Variants in GPR37 observed in about 807,000 individuals in gnomAD.
The protein encoded by GPR37 is prosaposin receptor GPR37.
A neutral mutation model predicts 43.6 loss-of-function variants in GPR37; 20 were observed. The observed-to-expected ratio is 0.46, with a 90% confidence interval of 0.32 to 0.67. GPR37 has a LOEUF of 0.67. GPR37 is among the 30% of genes least tolerant of loss of function. The pLI, the probability that GPR37 is intolerant of heterozygous loss-of-function variation, is 0.03. For missense variants in GPR37, 724 were observed against 797.2 expected (o/e 0.91, Z 1.11); for synonymous variants, 315 against 322.6 (o/e 0.98, Z 0.25).
In GPR37 at chr7:124,747,281, A is replaced by G. The variant is rs1562957937; in HGVS notation, c.1086T>C (p.Ala362=). The G allele has an allele frequency of 1.9e-6, 3 of 1,613,880 alleles. No homozygotes were observed. The East Asian group carries it at 6.7e-5, about 36-fold the overall frequency. Residue 362 remains alanine (A), a synonymous_variant, in exon 2 of 2, where the codon GCT becomes GCC. Transcript: ENST00000303921. ...CGTAGTACATCTGTACGTTGGTGGC[A>G]GCACGGAAGCGGTCTATGCACAGAG... ...LCALCIDRFR[A]ATNVQMYYEM...
chr7:124,757,532 G>A (rs914966973), intron 1 of GPR37, among the ~76,000 whole-genome samples: 2 of 152,184 alleles, frequency 1.3e-5, no homozygotes, highest in African/African-American at 2.4e-5. Flanking sequence ...GATCTAGGCT[G>A]TATAGGCATT....
At chr7:124,756,710 G>A (rs1429208992) in intron 1 of GPR37, among the ~76,000 whole-genome samples, 1 of 152,216 alleles carries the variant, frequency 6.6e-6, no homozygotes, top group Non-Finnish European at 1.5e-5. Context: ...GGAGGATGGA[G>A]CAGAAGTGCA....
chr7:124,761,507 T>A (rs1793850428), intron 1 of GPR37, among the ~76,000 whole-genome samples: 1 of 152,192 alleles, frequency 6.6e-6, no homozygotes, highest in African/African-American at 2.4e-5. Flanking sequence ...CTGTGGCAAT[T>A]GCATCACAGT....
intron 1 of GPR37, among the ~76,000 whole-genome samples, chr7:124,749,373 G>C (rs1056068764): frequency 3.3e-5 from 5 of 152,068 alleles, no homozygotes; most frequent in Non-Finnish European, 7.4e-5. Flanking sequence ...TGGTAGGAAG[G>C]TTTAAGAAGC....
chr7:124,750,389 C>G (rs914953289), intron 1 of GPR37, among the ~76,000 whole-genome samples: 3 of 152,052 alleles, frequency 2.0e-5, no homozygotes, highest in African/African-American at 7.2e-5. Context: ...AAAGTTTATG[C>G]TATACATCCT....
In GPR37 at chr7:124,764,153, C is replaced by A; in HGVS notation, c.824G>T (p.Gly275Val). The change falls in exon 1 of 2, where the codon GGC (glycine) becomes GTC (valine). Residue 275 changes from glycine (G) to valine (V), a missense_variant. Physicochemically the swap from Gly to Val is moderately radical, Grantham distance 109. Around this residue, in one of 2 missense-constraint regions of GPR37, gnomAD observed 342 missense variants for 441.8 expected, o/e 0.77. Transcript: ENST00000303921. The surrounding 1 kb of genome is among the most constrained non-coding windows in gnomAD (Gnocchi z 5.4). Reference sequence around the variant, plus strand: ...CATCACCGCCAGGTTGCCAATGATGCCGGTCCCGAAGATCACCACGGACAG... The same window carrying A: ...CATCACCGCCAGGTTGCCAATGATGACGGTCCCGAAGATCACCACGGACAG... ...MCLSVVIFGT[G>V]IIGNLAVMCI... 1 of 1,604,386 alleles carries A rather than the reference C, an allele frequency of 6.2e-7. No individual in the cohort carries two copies. Among genetic ancestry groups the A allele is most frequent in the Non-Finnish European group, 8.5e-7 (1 of 1,174,698 alleles).
Position 124,765,163 on chromosome 7 carries a change from C to T in GPR37, c.-187G>A. 5.9e-6 allele frequency: 3 copies of T among 505,164 alleles called. No individual in the cohort carries two copies. The allele number at this position is 505,164 out of a possible 1,614,324, so 31.3% of individuals were successfully genotyped here. A position where few individuals can be genotyped will look rare whatever the true frequency, so the allele number is the denominator to read the frequency against. ...GGTCACACACACGCCCCCTATAATC[C>T]TTCCTCCTTTGGCATCTTGTGCATT... On this transcript the variant is annotated 5_prime_UTR_variant, in exon 1 of 2. Coordinates refer to ENST00000303921, the MANE Select transcript of GPR37 (RefSeq NM_005302.5).
Position 124,764,800 on chromosome 7 carries a change from C to T in GPR37, c.177G>A (p.Pro59=), listed in dbSNP as rs1173368212. The T allele has an allele frequency of 1.2e-6, 2 of 1,613,580 alleles. No individual in the cohort carries two copies. Among genetic ancestry groups the T allele is most frequent in the Admixed American group, 1.7e-5 (1 of 60,030 alleles). The change falls in exon 1 of 2, where the codon CCG becomes CCA. Residue 59 remains proline, a synonymous_variant. Coordinates refer to ENST00000303921, the MANE Select transcript of GPR37 (RefSeq NM_005302.5). The surrounding 1 kb of genome is among the most constrained non-coding windows in gnomAD (Gnocchi z 5.4). ...GCAGAACGTCTCTTGCAGAATTTCC[C>T]GGTCCCCAGGCGTCCCTGCCGCGGC... ...IQRRGRDAWG[P]GNSARDVLRA...
chr7:124,749,488 C>T (rs149590498), intron 1 of GPR37, among the ~76,000 whole-genome samples: 1 of 151,978 alleles, frequency 6.6e-6, no homozygotes, highest in Non-Finnish European at 1.5e-5. Flanking sequence ...AAAGGGAAAC[C>T]ATTTGTCATA....
In GPR37 at chr7:124,764,978, G is replaced by T. The variant is rs1793902803; in HGVS notation, c.-2C>A. On this transcript the variant is annotated 5_prime_UTR_variant, in exon 1 of 2. Transcript: ENST00000303921. The surrounding 1 kb of genome is among the most constrained non-coding windows in gnomAD (Gnocchi z 5.4). The stretch of plus-strand genomic sequence containing the variant: ...GAGAAGCGCGCCCGGGGCTCGCATG[G>T]CTTGGTGAGGGCACACCCGGCAGCC... 4.1e-6 allele frequency: 6 copies of T among 1,471,724 alleles called. No homozygotes were observed. Among genetic ancestry groups the T allele is most frequent in the Non-Finnish European group, 5.4e-6 (6 of 1,115,976 alleles). 91.2% of individuals were successfully genotyped at this position (1,471,724 alleles called of 1,614,324 possible).
At chr7:124,759,308 C>T (rs1793826767) in intron 1 of GPR37, among the ~76,000 whole-genome samples, 1 of 152,164 alleles carries the variant, frequency 6.6e-6, no homozygotes, top group Admixed American at 6.5e-5. Flanking sequence ...CTTAAGCAAT[C>T]TGCCTGCATA....
chr7:124,746,642 A>C lies in GPR37; in HGVS notation c.1725T>G (p.Ser575=), dbSNP rs1281143105. ...CCCCEECIQK[S]STVTSDDNDN... is the part of the protein sequence containing the mutation. Reference sequence around the variant, plus strand: ...CATTGTCATCACTGGTCACCGTTGAAGACTTCTGAATGCATTCCTCACAGC... The same window carrying C: ...CATTGTCATCACTGGTCACCGTTGACGACTTCTGAATGCATTCCTCACAGC... Residue 575 remains serine, a synonymous_variant, in exon 2 of 2, where the codon TCT becomes TCG. Coordinates refer to ENST00000303921, the MANE Select transcript of GPR37 (RefSeq NM_005302.5). The C allele has an allele frequency of 1.2e-6, 2 of 1,613,926 alleles. No homozygotes were observed. Among genetic ancestry groups the C allele is most frequent in the South Asian group, 2.2e-5 (2 of 91,082 alleles).
rs1230165940 is a variant in GPR37 at position 124,764,604 on chromosome 7, C to T, written c.373G>A (p.Ala125Thr). The T allele has an allele frequency of 6.3e-7, 1 of 1,598,798 alleles. No individual in the cohort carries two copies. The highest frequency in any genetic ancestry group is 1.7e-5 in the Admixed American group (1 of 58,708). ...GTTTCAGAAGGCTCCTGACCCCGAG[C>T]ACCTTTCCACCTCCAGGGGCCAGGT... is the stretch of plus-strand genomic sequence containing the variant. ...RPPGPWRWKG[A>T]RGQEPSETLG... is the part of the protein sequence containing the mutation. Residue 125 changes from alanine (A) to threonine (T), a missense_variant, in exon 1 of 2, where the codon GCT becomes ACT. Physicochemically the swap from Ala to Thr is moderately conservative, Grantham distance 58 (BLOSUM62 0). Transcript: ENST00000303921. The surrounding 1 kb of genome is among the most constrained non-coding windows in gnomAD (Gnocchi z 5.4).
chr7:124,746,594 G>A lies in GPR37; in HGVS notation c.1773C>T (p.Leu591=), dbSNP rs1164334365. Residue 591 remains leucine, a synonymous_variant, in exon 2 of 2, where the codon CTC becomes CTT. Coordinates refer to ENST00000303921, the MANE Select transcript of GPR37 (RefSeq NM_005302.5). The part of the protein sequence containing the change: ...DDNDNEYTTE[L]ELSPFSTIRR... ...GTATGGTACTGAAAGGCGAGAGTTC[G>A]AGTTCCGTGGTGTACTCGTTGTCAT... 2.5e-6 allele frequency: 4 copies of A among 1,613,704 alleles called. No homozygotes were observed. Among genetic ancestry groups the A allele is most frequent in the East Asian group, 2.2e-5 (1 of 44,888 alleles).
Position 124,764,919 on chromosome 7 carries a change from G to T in GPR37, c.58C>A (p.Leu20Ile). 1 of 1,572,868 alleles carries T rather than the reference G, an allele frequency of 6.4e-7. No individual in the cohort carries two copies. ...RMSRLLLLLL[L>I]KVSASSALGV... is the part of the protein sequence containing the mutation. ...AGGGCAGAAGAGGCAGACACCTTGA[G>T]CAGTAGCAGAAGCAGTAGCCGCGAC... The change falls in exon 1 of 2, where the codon CTC becomes ATC. Residue 20 changes from leucine to isoleucine, a missense_variant. By Grantham distance (5) the Leu-to-Ile change is conservative. This residue lies in a region of GPR37 where 382 missense variants were observed against 355.4 expected (regional missense o/e 1.07). Coordinates refer to ENST00000303921, the MANE Select transcript of GPR37 (RefSeq NM_005302.5). This position sits in a 1 kb window ranked among gnomAD's most constrained non-coding sequence, Gnocchi z 5.4.
At chr7:124,749,669 A>T (rs2402749) in intron 1 of GPR37, among the ~76,000 whole-genome samples, 51,553 of 151,836 alleles carry the variant, frequency 0.34, 9,231 homozygotes, top group East Asian at 0.5. Context: ...GAAAATAAGG[A>T]CATTGTATTT....
intron 1 of GPR37, among the ~76,000 whole-genome samples, chr7:124,751,938 G>T (rs1198518586): frequency 6.6e-6 from 1 of 152,074 alleles, no homozygotes; most frequent in African/African-American, 2.4e-5. Flanking sequence ...ATAATTTCAA[G>T]ATCAGCGGGA....
At position 124,764,917 on chromosome 7, in the gene GPR37, G is replaced by A. The variant is rs763099360; in HGVS notation, c.60C>T (p.Leu20=). 3.5e-5 allele frequency: 55 copies of A among 1,575,908 alleles called. 1 individual carries two copies. The South Asian group carries it at 5.1e-4, about 15-fold the overall frequency. ...CGAGGGCAGAAGAGGCAGACACCTT[G>A]AGCAGTAGCAGAAGCAGTAGCCGCG... ...RMSRLLLLLL[L]KVSASSALGV... is the part of the protein sequence containing the mutation. The change falls in exon 1 of 2, where the codon CTC becomes CTT. Residue 20 remains leucine, a synonymous_variant. Transcript: ENST00000303921. The surrounding 1 kb of genome is among the most constrained non-coding windows in gnomAD (Gnocchi z 5.4).
rs747370351 is a variant in GPR37, at chr7:124,764,746, C to T, written c.231G>A (p.Gly77=). 1.2e-6 allele frequency: 2 copies of T among 1,611,492 alleles called. No homozygotes were observed. Among genetic ancestry groups the T allele is most frequent in the Admixed American group, 3.3e-5 (2 of 60,002 alleles). Reference sequence around the variant, plus strand: ...AGGAGGGTCCCGCAAGAAACGCTGCCCCCTGCTCCTCCCTGGGTGCTCGGG... The same window carrying T: ...AGGAGGGTCCCGCAAGAAACGCTGCTCCCTGCTCCTCCCTGGGTGCTCGGG... The part of the protein sequence containing the change: ...LRARAPREEQ[G]AAFLAGPSWD... Residue 77 remains glycine (G), a synonymous_variant, in exon 1 of 2, where the codon GGG becomes GGA. Transcript: ENST00000303921. This position sits in a 1 kb window ranked among gnomAD's most constrained non-coding sequence, Gnocchi z 5.4.
Sources: gnomAD v4.1 joint callset for allele counts (sites outside exome capture counted in the v4.1 genomes callset) on GRCh38, gnomAD v4.1.1 for gene constraint, gnomAD v4.1.1 regional missense constraint, Gnocchi (gnomAD v3.1) non-coding constraint, MANE v1.5 for transcripts, NCBI Gene and HGNC (gene_info 2026-07-23, HGNC 2026-07-21) for gene names.